The following KDM2B variants were observed in gnomAD, a reference collection of about 807,000 sequenced individuals.
KDM2B encodes the protein lysine demethylase 2B, also known as lysine-specific demethylase 2B.
In KDM2B, 26 loss-of-function variants were observed where a neutral mutation model predicts 150.0. The ratio of observed to expected loss-of-function variants is 0.17; its 90% CI spans 0.13 to 0.24. KDM2B has a LOEUF of 0.24. KDM2B is among the 10% of genes least tolerant of loss of function. The pLI is 1.00. For synonymous variants in KDM2B, 734 were observed against 729.5 expected, an observed-to-expected ratio of 1.01 and a Z score of -0.10; for missense variants, 1,265 against 1,816.9, an observed-to-expected ratio of 0.70 and a Z score of 5.52.
rs1555305458 is a variant in KDM2B, at chr12:121,518,878, C to A, written c.1047+2107G>T. Among the ~76,000 whole-genome samples the A allele has an allele frequency of 1.3e-5, 2 of 152,182 alleles. No individual in the cohort carries two copies. The highest frequency in any genetic ancestry group is 1.3e-4 in the Admixed American group (2 of 15,278). ...CAGGCCAAAGAACAGTTGGCCGGAG[C>A]CCCAGACAGCATTGACCCAGACTGT... On this transcript the variant is annotated intron_variant, in intron 9 of 22. Coordinates refer to ENST00000377071, the MANE Select transcript of KDM2B (RefSeq NM_032590.5). This position sits in a 1 kb window ranked among gnomAD's most constrained non-coding sequence, Gnocchi z 4.4.
chr12:121,555,940 T>A (rs782530233), intron 4 of KDM2B, among the ~76,000 whole-genome samples: 3 of 151,838 alleles, frequency 2.0e-5, no homozygotes, highest in Non-Finnish European at 4.4e-5. Context: ...TTTTGTTTTT[T>A]TTTTGAGACG....
chr12:121,417,267 CAA>C, the KDM2B span, among the ~76,000 whole-genome samples: 4 of 152,228 alleles, frequency 2.6e-5, no homozygotes, highest in African/African-American at 9.6e-5. This position sits in a 1 kb window ranked among gnomAD's most constrained non-coding sequence, Gnocchi z 5.0. Flanking sequence ...TTCATTAACA[CAA>C]GAGTGTGTTT....
the KDM2B span, among the ~76,000 whole-genome samples, chr12:121,411,512 A>T: frequency 0.31 from 47,264 of 152,110 alleles, 8,891 homozygotes; most frequent in East Asian, 0.43. Flanking sequence ...TTCTTCCCTA[A>T]TTCATTGTAA....
At chr12:121,438,126 C>T (rs992309144) in intron 22 of KDM2B, among the ~76,000 whole-genome samples, 15 of 151,762 alleles carry the variant, frequency 9.9e-5, no homozygotes, top group Non-Finnish European at 1.6e-4. Flanking sequence ...TGGTGGCAGG[C>T]GCCTGTAATC....
At chr12:121,466,225 A>C (rs1421452603) in intron 12 of KDM2B, among the ~76,000 whole-genome samples, 1 of 152,036 alleles carries the variant, frequency 6.6e-6, no homozygotes, top group African/African-American at 2.4e-5. Flanking sequence ...TATGCACCCA[A>C]GTCCGTCCAA....
chr12:121,543,655 C>T (rs1888783027), intron 6 of KDM2B, among the ~76,000 whole-genome samples: 1 of 151,484 alleles, frequency 6.6e-6, no homozygotes, highest in Non-Finnish European at 1.5e-5. Flanking sequence ...GAAACCCCAT[C>T]TCTACTAAAA....
chr12:121,460,977 G>A (rs1347918333), intron 12 of KDM2B, among the ~76,000 whole-genome samples: 1 of 152,158 alleles, frequency 6.6e-6, no homozygotes, highest in African/African-American at 2.4e-5. Context: ...TAAGTCATCC[G>A]CCCGATGTCA....
intron 12 of KDM2B, among the ~76,000 whole-genome samples, chr12:121,477,488 A>T (rs1881511836): frequency 1.3e-5 from 2 of 151,714 alleles, no homozygotes; most frequent in African/African-American, 4.8e-5. Flanking sequence ...AGCTCAAGGG[A>T]TCCTCCCTCC....
intron 12 of KDM2B, among the ~76,000 whole-genome samples, chr12:121,454,111 C>T (rs1327580435): frequency 6.6e-6 from 1 of 152,064 alleles, no homozygotes; most frequent in African/African-American, 2.4e-5. Flanking sequence ...CTACTGCCCA[C>T]CTGCACTGGG....
intron 22 of KDM2B, among the ~76,000 whole-genome samples, chr12:121,436,292 C>T (rs1235845652): frequency 2.6e-5 from 4 of 152,206 alleles, no homozygotes; most frequent in South Asian, 2.1e-4. Context: ...GAGGCCGAGG[C>T]GGGCGGATCA....
rs1187986563 is a variant in KDM2B, at chr12:121,467,305, C to T, written c.1735-13961G>A. Reference sequence around the variant, plus strand: ...GGAGCAGGCTCGGCTCGCCCTGGCTCGGGCTCGGGCTCGGGCTCGGGCTCC... The same window carrying T: ...GGAGCAGGCTCGGCTCGCCCTGGCTTGGGCTCGGGCTCGGGCTCGGGCTCC... On this transcript the variant is annotated intron_variant, in intron 12 of 22. Coordinates refer to ENST00000377071, the MANE Select transcript of KDM2B (RefSeq NM_032590.5). This position sits in a 1 kb window ranked among gnomAD's most constrained non-coding sequence, Gnocchi z 5.1. 8.2e-6 allele frequency: 8 copies of T among 981,528 alleles called. No individual in the cohort carries two copies. In the African/African-American group the frequency reaches 1.1e-4, roughly 13 times the overall value. The allele number at this position is 981,528 out of a possible 1,614,324, so 60.8% of individuals were successfully genotyped here.
In KDM2B at chr12:121,537,204, C is replaced by CG. The variant is rs1888200897; in HGVS notation, c.684-2615dup. On this transcript the variant is annotated intron_variant, in intron 6 of 22. Transcript: ENST00000377071. The surrounding 1 kb of genome is among the most constrained non-coding windows in gnomAD (Gnocchi z 8.7). Reference sequence around the variant, plus strand: ...GTGGCTGGGACAGCGCGGCTTTGTCCGGCCCCTGCAGCGACAGGCCACCCC... The same window carrying CG: ...GTGGCTGGGACAGCGCGGCTTTGTCCGGGCCCCTGCAGCGACAGGCCACCCC... The CG allele has an allele frequency of 6.6e-6, 1 of 152,310 alleles. No homozygotes were observed. The highest frequency in any genetic ancestry group is 2.4e-5 in the African/African-American group (1 of 41,444). The allele number at this position is 152,310 out of a possible 1,614,324, so 9.4% of individuals were successfully genotyped here.
chr12:121,546,882 G>A (rs879955164), intron 6 of KDM2B, among the ~76,000 whole-genome samples: 2 of 151,770 alleles, frequency 1.3e-5, no homozygotes, highest in Non-Finnish European at 2.9e-5. Flanking sequence ...TTTTAGTAGA[G>A]ATGGGGTTTT....
chr12:121,519,045 C>T (rs978164367), intron 9 of KDM2B, among the ~76,000 whole-genome samples: 11 of 152,116 alleles, frequency 7.2e-5, no homozygotes, highest in Admixed American at 6.5e-5. Context: ...GTCCACAAAA[C>T]GATGGTCTCC....
intron 12 of KDM2B, among the ~76,000 whole-genome samples, chr12:121,485,892 T>A (rs1264458517): frequency 2.0e-5 from 3 of 151,806 alleles, no homozygotes; most frequent in Non-Finnish European, 4.4e-5. Flanking sequence ...TTCTCCTGCC[T>A]CTGCCTCCTG....
intron 11 of KDM2B, among the ~76,000 whole-genome samples, chr12:121,500,034 C>A (rs1405682443): frequency 6.6e-6 from 1 of 152,028 alleles, no homozygotes; most frequent in Admixed American, 6.6e-5. Flanking sequence ...ACTCATACCT[C>A]CCGTTTCCCT....
At chr12:121,496,432 T>C (rs1883942592) in intron 11 of KDM2B, among the ~76,000 whole-genome samples, 1 of 151,912 alleles carries the variant, frequency 6.6e-6, no homozygotes, top group African/African-American at 2.4e-5. Flanking sequence ...TAATTCACCT[T>C]TCCTAATTCA....
At chr12:121,550,193 C>A (rs1186770852) in intron 4 of KDM2B, among the ~76,000 whole-genome samples, 2 of 152,012 alleles carry the variant, frequency 1.3e-5, no homozygotes, top group Non-Finnish European at 1.5e-5. Flanking sequence ...GCCTATAGTG[C>A]CAGCTACTCA....
At chr12:121,478,866 T>TGTGTGTGTGTGTGTG (rs1881709324) in intron 12 of KDM2B, among the ~76,000 whole-genome samples, 14 of 131,216 alleles carry the variant, frequency 1.1e-4, no homozygotes, top group East Asian at 9.5e-4. Context: ...TTTTGTTTGT[T>TGTGTGTGTGTGTGTG]TGTGTGTGTG....
Sources: gnomAD v4.1 joint callset for allele counts (sites outside exome capture counted in the v4.1 genomes callset) on GRCh38, gnomAD v4.1.1 for gene constraint, Gnocchi (gnomAD v3.1) non-coding constraint, MANE v1.5 for transcripts, NCBI Gene and HGNC (gene_info 2026-07-23, HGNC 2026-07-21) for gene names.